FGF12: variants seen among roughly 807,000 people sequenced by gnomAD.
FGF12 encodes the protein fibroblast growth factor 12B.
FGF12 carries 14 observed loss-of-function variants against 23.6 expected under a neutral mutation model. That is an observed-to-expected ratio of 0.59 (90% confidence interval 0.39 to 0.93). The LOEUF is 0.93. FGF12 is among the 40% of genes least tolerant of loss of function. FGF12 has a pLI of 0.00. For missense variants in FGF12, 175 were observed against 217.8 expected, an observed-to-expected ratio of 0.80 and a Z score of 1.24; for synonymous variants, 62 against 77.3, an observed-to-expected ratio of 0.80 and a Z score of 1.04.
chr3:192,500,120 A>ATT (rs897026284), intron 2 of FGF12, among the ~76,000 whole-genome samples: 5 of 152,158 alleles, frequency 3.3e-5, no homozygotes, highest in African/African-American at 1.2e-4. Flanking sequence ...ACAGCTGGCT[A>ATT]TTTTTGGACA....
intron 2 of FGF12, among the ~76,000 whole-genome samples, chr3:192,440,038 T>G (rs1722158849): frequency 6.7e-6 from 1 of 149,074 alleles, no homozygotes; most frequent in Admixed American, 6.7e-5. Context: ...ATGGAAGAAG[T>G]AAATGTTGAA....
intron 4 of FGF12, among the ~76,000 whole-genome samples, chr3:192,219,541 C>T (rs1433962567): frequency 6.6e-6 from 1 of 152,150 alleles, no homozygotes; most frequent in South Asian, 2.1e-4. Context: ...CCTTTAAGCT[C>T]CTCAGATGAT....
chr3:192,595,998 T>G lies in FGF12; in HGVS notation c.13+131183A>C, dbSNP rs1344090124. Among the ~76,000 whole-genome samples, 4 of 151,348 alleles carry G rather than the reference T, an allele frequency of 2.6e-5. No individual in the cohort carries two copies. The East Asian group carries it at 7.8e-4, about 29-fold the overall frequency. On this transcript the variant is annotated intron_variant, in intron 2 of 5. Transcript: ENST00000445105. ...GTCCCAGCTACTTGGGAGGCTGAGGTGGGAGGATGGCTTGAGCCAGGGAGG... is the reference window on the plus strand; with the variant it reads ...GTCCCAGCTACTTGGGAGGCTGAGGGGGGAGGATGGCTTGAGCCAGGGAGG...
intron 4 of FGF12, among the ~76,000 whole-genome samples, chr3:192,316,810 T>C (rs772093347): frequency 4.6e-5 from 7 of 152,146 alleles, no homozygotes; most frequent in Non-Finnish European, 1.0e-4. Context: ...CCCCAGGCAG[T>C]GCAGCTAGCA....
intron 2 of FGF12, among the ~76,000 whole-genome samples, chr3:192,518,330 A>C (rs182230051): frequency 6.6e-6 from 1 of 152,264 alleles, no homozygotes; most frequent in Non-Finnish European, 1.5e-5. Flanking sequence ...TGATGGATGA[A>C]TGTGTTTGAA....
rs748896321 is a variant in FGF12 at position 192,532,406 on chromosome 3, T to C, written c.14-171868A>G. Reference sequence around the variant, plus strand: ...AGCATGGGTTGTCTTTCCATTTCTTTGTGTCATCTATGATTTCTTTCAGCA... The same window carrying C: ...AGCATGGGTTGTCTTTCCATTTCTTCGTGTCATCTATGATTTCTTTCAGCA... On this transcript the variant is annotated intron_variant, in intron 2 of 5. Transcript: ENST00000445105. Among the ~76,000 whole-genome samples, 139 of 152,224 alleles carry C rather than the reference T, an allele frequency of 9.1e-4. 1 individual carries two copies. Among genetic ancestry groups the C allele is most frequent in the Non-Finnish European group, 3.4e-4 (23 of 68,030 alleles).
intron 3 of FGF12, among the ~76,000 whole-genome samples, chr3:192,355,014 C>T (rs1718406562): frequency 6.6e-6 from 1 of 152,080 alleles, no homozygotes; most frequent in South Asian, 2.1e-4. Context: ...CCAACTAAAA[C>T]CAAAAGTTTG....
At chr3:192,365,936 C>T (rs941982788) in intron 2 of FGF12, among the ~76,000 whole-genome samples, 1 of 145,904 alleles carries the variant, frequency 6.9e-6, no homozygotes, top group East Asian at 2.0e-4. Context: ...GAATTTTAGA[C>T]GTGGAAAGGA....
chr3:192,450,735 C>T (rs1722498514), intron 2 of FGF12, among the ~76,000 whole-genome samples: 2 of 152,254 alleles, frequency 1.3e-5, no homozygotes, highest in African/African-American at 4.8e-5. Context: ...CCAATCTGGC[C>T]ACCATCTTTG....
At chr3:192,303,483 A>G (rs879843113) in intron 4 of FGF12, among the ~76,000 whole-genome samples, 34 of 152,324 alleles carry the variant, frequency 2.2e-4, no homozygotes, top group Admixed American at 1.4e-3. Flanking sequence ...GTTAAGTGCA[A>G]TGACATCTCA....
chr3:192,670,615 C>A (rs1042084653), intron 2 of FGF12, among the ~76,000 whole-genome samples: 2 of 152,124 alleles, frequency 1.3e-5, no homozygotes, highest in Non-Finnish European at 2.9e-5. Context: ...AGCCTTTCTA[C>A]ATATAATATG....
chr3:192,407,111 A>G (rs181106517), intron 2 of FGF12, among the ~76,000 whole-genome samples: 1 of 152,306 alleles, frequency 6.6e-6, no homozygotes, highest in East Asian at 1.9e-4. Flanking sequence ...TGACCTGGAA[A>G]TCATCATGTC....
At chr3:192,384,822 A>C (rs1719976232) in intron 2 of FGF12, among the ~76,000 whole-genome samples, 1 of 152,154 alleles carries the variant, frequency 6.6e-6, no homozygotes, top group Non-Finnish European at 1.5e-5. Context: ...CACCATCTGC[A>C]CAGATACACT....
chr3:192,361,169 CAAAAAAAAAA>C (rs10651290), intron 2 of FGF12, among the ~76,000 whole-genome samples: 998 of 98,782 alleles, frequency 0.01, 10 homozygotes, highest in African/African-American at 0.038. Flanking sequence ...TTCTCCAGTA[CAAAAAAAAAA>C]AAAAAAAAAA....
chr3:192,614,133 C>T (rs935164013), intron 2 of FGF12, among the ~76,000 whole-genome samples: 1 of 151,962 alleles, frequency 6.6e-6, no homozygotes, highest in East Asian at 1.9e-4. Flanking sequence ...ATGTAGCACT[C>T]TGTATATCCC....
Position 192,583,259 on chromosome 3 carries a change from G to A in FGF12, c.13+143922C>T, listed in dbSNP as rs183061243. On this transcript the variant is annotated intron_variant, in intron 2 of 5. Coordinates refer to ENST00000445105, the MANE Select transcript of FGF12 (RefSeq NM_004113.6). ...TCTCTTATATTCTCCATGGGGCCTAGTGTAGGGTGGAAAACATTGAAGGTA... is the reference window on the plus strand; with the variant it reads ...TCTCTTATATTCTCCATGGGGCCTAATGTAGGGTGGAAAACATTGAAGGTA... Among the ~76,000 whole-genome samples the A allele has an allele frequency of 3.5e-4, 53 of 152,330 alleles. 1 individual carries two copies. The highest frequency in any genetic ancestry group is 1.0e-3 in the African/African-American group (42 of 41,564).
chr3:192,475,204 G>A (rs1723281786), intron 2 of FGF12, among the ~76,000 whole-genome samples: 1 of 152,198 alleles, frequency 6.6e-6, no homozygotes, highest in African/African-American at 2.4e-5. Context: ...AATTCAGCAA[G>A]TTGGGTTGTA....
intron 2 of FGF12, among the ~76,000 whole-genome samples, chr3:192,719,410 T>A (rs1229046658): frequency 6.6e-6 from 1 of 152,204 alleles, no homozygotes; most frequent in South Asian, 2.1e-4. Context: ...TATATTTGCA[T>A]AATCGTTTGT....
chr3:192,607,007 C>T (rs1431116002), intron 2 of FGF12, among the ~76,000 whole-genome samples: 4 of 152,068 alleles, frequency 2.6e-5, no homozygotes, highest in African/African-American at 9.7e-5. Flanking sequence ...AACCCCCTCC[C>T]CCAACACACA....
Sources: allele counts gnomAD v4.1 joint callset (sites outside exome capture counted in the v4.1 genomes callset), GRCh38; gene constraint gnomAD v4.1.1; transcripts MANE v1.5; gene names NCBI Gene and HGNC (gene_info 2026-07-23, HGNC 2026-07-21).